DCAF13: variants seen among roughly 807,000 people sequenced by gnomAD.
The protein encoded by DCAF13 is DDB1- and CUL4-associated factor 13.
A neutral mutation model predicts 59.0 loss-of-function variants in DCAF13; 38 were observed. The observed-to-expected ratio is 0.64, with a 90% confidence interval of 0.50 to 0.84. DCAF13 has a LOEUF of 0.84. Among genes scored for constraint, DCAF13 ranks in the 40% least tolerant of loss-of-function variants. The probability of loss-of-function intolerance (pLI) is 0.00; values close to 1 mark genes in which losing one functional copy is unlikely to be tolerated. For missense variants in DCAF13, 469 were observed against 558.4 expected (o/e 0.84, Z 1.61); for synonymous variants, 173 against 175.0 (o/e 0.99, Z 0.09).
At chr8:103,418,077 G>A (rs1816649837) in intron 1 of DCAF13, among the ~76,000 whole-genome samples, 2 of 151,444 alleles carry the variant, frequency 1.3e-5, no homozygotes, top group Non-Finnish European at 2.9e-5. Flanking sequence ...GCAGTGAGCC[G>A]AGATTGCGCC....
chr8:103,423,702 AAC>A (rs1423498409), intron 3 of DCAF13, among the ~76,000 whole-genome samples: 2 of 152,244 alleles, frequency 1.3e-5, no homozygotes, highest in African/African-American at 4.8e-5. Flanking sequence ...TATGTGAGGT[AAC>A]AGATATGTTA....
chr8:103,433,139 C>T (rs1816887249), intron 7 of DCAF13, among the ~76,000 whole-genome samples: 1 of 151,926 alleles, frequency 6.6e-6, no homozygotes, highest in African/African-American at 2.4e-5. Context: ...AACATTTGGC[C>T]CTTTACAGAA....
Position 103,421,083 on chromosome 8 carries a change from G to C in DCAF13, c.378+1G>C, listed in dbSNP as rs1435338181. 6.4e-7 allele frequency: 1 copy of C among 1,563,916 alleles called. No individual in the cohort carries two copies. Among genetic ancestry groups the C allele is most frequent in the Non-Finnish European group, 8.8e-7 (1 of 1,134,602 alleles). The stretch of plus-strand genomic sequence containing the variant: ...CTTTTGTGGGACTTCTTTTTTCACT[G>C]TAAGTATAATACCATTAAGTCATTA... On this transcript the variant is annotated splice_donor_variant, in intron 3 of 10. Transcript: ENST00000612750. LOFTEE classifies it high-confidence loss of function.
At chr8:103,428,526 TTA>T (rs1178972126) in intron 5 of DCAF13, 1 of 152,220 alleles carries the variant, frequency 6.6e-6, no homozygotes, top group African/African-American at 2.4e-5. Context: ...TCTGTCTCTA[TTA>T]TATCTTTCTC....
At chr8:103,419,961 A>G (rs967070167) in intron 1 of DCAF13, among the ~76,000 whole-genome samples, 1 of 149,158 alleles carries the variant, frequency 6.7e-6, no homozygotes. Flanking sequence ...GTGAGCCGAG[A>G]TTGCGCCACT....
chr8:103,419,517 G>A (rs3134252), intron 1 of DCAF13, among the ~76,000 whole-genome samples: 7,936 of 152,220 alleles, frequency 0.052, 270 homozygotes, highest in Non-Finnish European at 0.078. Flanking sequence ...TCACAACTTC[G>A]TGTGTCTATC....
chr8:103,441,421 C>T, intron 9 of DCAF13, 34 bp from the exon 10 acceptor site: 2 of 1,550,086 alleles, frequency 1.3e-6, no homozygotes, highest in South Asian at 2.4e-5. Context: ...AAACAACACA[C>T]TATTCATTAA....
At chr8:103,432,314 A>C (rs1260610771) in intron 6 of DCAF13, among the ~76,000 whole-genome samples, 1 of 152,184 alleles carries the variant, frequency 6.6e-6, no homozygotes, top group Non-Finnish European at 1.5e-5. Flanking sequence ...TTGTCTTTAG[A>C]AACAGTTCTT....
At chr8:103,439,389 T>C (rs1040470179) in intron 8 of DCAF13, 4 of 138,618 alleles carry the variant, frequency 2.9e-5, no homozygotes, top group African/African-American at 1.1e-4. Flanking sequence ...TAAGCTTTTT[T>C]TTTTTTTTTT....
intron 2 of DCAF13, among the ~76,000 whole-genome samples, 156 bp from the exon 3 acceptor site, chr8:103,420,819 T>C (rs1384585872): frequency 1.3e-5 from 2 of 152,238 alleles, no homozygotes; most frequent in East Asian, 1.9e-4. Context: ...TTTTTGCTCA[T>C]CAGTATACTT....
intron 5 of DCAF13, 59 bp downstream of exon 5, chr8:103,427,311 T>C (rs539195948): frequency 6.8e-7 from 1 of 1,474,608 alleles, no homozygotes; most frequent in Non-Finnish European, 9.3e-7. Context: ...CAGTTCTGTT[T>C]AGAAAACTTT....
intron 7 of DCAF13, among the ~76,000 whole-genome samples, chr8:103,433,839 C>T (rs1313648287): frequency 6.6e-6 from 1 of 151,328 alleles, no homozygotes; most frequent in East Asian, 1.9e-4. Flanking sequence ...TTTTTTTTAA[C>T]CTTTATTGAT....
At chr8:103,428,438 C>A (rs1032223024) in intron 5 of DCAF13, 8 of 152,250 alleles carry the variant, frequency 5.3e-5, no homozygotes, top group Admixed American at 3.3e-4. Flanking sequence ...GCCACAGAGA[C>A]CATATGGCCC....
chr8:103,437,477 A>G (rs1816948224), intron 8 of DCAF13, among the ~76,000 whole-genome samples: 1 of 152,212 alleles, frequency 6.6e-6, no homozygotes, highest in East Asian at 1.9e-4. Flanking sequence ...AGGTCTAGCT[A>G]GAAAACTCAC....
intron 1 of DCAF13, among the ~76,000 whole-genome samples, chr8:103,419,630 T>C (rs1816694675): frequency 6.6e-6 from 1 of 152,182 alleles, no homozygotes; most frequent in Non-Finnish European, 1.5e-5. Context: ...CCAGAAACTG[T>C]GCTAGGCATA....
intron 7 of DCAF13, among the ~76,000 whole-genome samples, chr8:103,433,436 T>C (rs993732198): frequency 2.0e-5 from 3 of 152,126 alleles, no homozygotes; most frequent in Non-Finnish European, 4.4e-5. Flanking sequence ...TCTTATCTTT[T>C]TTTTTCCCAA....
At chr8:103,418,357 A>C (rs1272213619) in intron 1 of DCAF13, among the ~76,000 whole-genome samples, 1 of 151,748 alleles carries the variant, frequency 6.6e-6, no homozygotes, top group East Asian at 1.9e-4. Context: ...CCGTCTCTAC[A>C]AAAAATTTAA....
chr8:103,428,583 A>C (rs1816823013), intron 5 of DCAF13: 1 of 152,194 alleles, frequency 6.6e-6, no homozygotes, highest in Admixed American at 6.5e-5. Context: ...TTGGTTGTAG[A>C]AGAGAGAAGT....
intron 6 of DCAF13, among the ~76,000 whole-genome samples, chr8:103,431,103 C>T (rs1816858256): frequency 1.3e-5 from 2 of 152,206 alleles, no homozygotes; most frequent in Non-Finnish European, 2.9e-5. Flanking sequence ...AACTCATTCA[C>T]GTAACCAGCT....
Sources: gnomAD v4.1 joint callset for allele counts (sites outside exome capture counted in the v4.1 genomes callset) on GRCh38, gnomAD v4.1.1 for gene constraint, MANE v1.5 for transcripts, NCBI Gene and HGNC (gene_info 2026-07-23, HGNC 2026-07-21) for gene names.